Variants in MAP3K3 observed in about 807,000 individuals in gnomAD.
MAP3K3 encodes the protein MAP/ERK kinase kinase 3.
MAP3K3 carries 12 observed loss-of-function variants against 80.9 expected under a neutral mutation model. The observed-to-expected ratio is 0.15, with a 90% CI of 0.10 to 0.24. The LOEUF (loss-of-function observed/expected upper bound fraction) is 0.24. MAP3K3 is among the 10% of genes least tolerant of loss of function. The pLI is 1.00. For synonymous variants in MAP3K3, 272 were observed against 307.1 expected (o/e 0.89, Z 1.19); for missense variants, 596 against 834.7 (o/e 0.71, Z 3.52).
chr17:63,636,925 T>C, intron 2 of MAP3K3: 3 of 526,288 alleles, frequency 5.7e-6, no homozygotes, highest in South Asian at 3.8e-5. Flanking sequence ...CTGTATGCGC[T>C]TCATCCAGCT....
intron 7 of MAP3K3, among the ~76,000 whole-genome samples, 181 bp from the exon 8 acceptor site, chr17:63,685,336 G>T (rs2035425590): frequency 6.6e-6 from 1 of 152,186 alleles, no homozygotes; most frequent in Admixed American, 6.5e-5. Flanking sequence ...CTGGAAACTT[G>T]CCTTTCAAAC....
intron 1 of MAP3K3, among the ~76,000 whole-genome samples, chr17:63,630,894 G>A (rs1361430827): frequency 1.3e-5 from 2 of 152,050 alleles, no homozygotes; most frequent in South Asian, 2.1e-4. Context: ...TCCTGAACAA[G>A]CAAAAACCTC....
At chr17:63,661,457 A>G (rs2034889540) in intron 5 of MAP3K3, among the ~76,000 whole-genome samples, 1 of 152,208 alleles carries the variant, frequency 6.6e-6, no homozygotes, top group African/African-American at 2.4e-5. Flanking sequence ...GCTTTGGACC[A>G]CCAACTTTTA....
At position 63,650,658 on chromosome 17, in the gene MAP3K3, T is replaced by TAGAGAGAGAG. The variant is rs61412799; in HGVS notation, c.168-1870_168-1861dup. 1.7e-3 allele frequency among the ~76,000 whole-genome samples: 201 copies of TAGAGAGAGAG among 117,276 alleles called. 1 individual carries two copies. The highest frequency in any genetic ancestry group is 5.8e-3 in the African/African-American group (176 of 30,388). The allele number at this position is 117,276 out of a possible 152,430, so 76.9% of individuals were successfully genotyped here. ...AGACCTTCTCTCTCTCTGTCTCTTA[T>TAGAGAGAGAG]AGAGAGAGAGAGAGAGAGAGAGAGA... On this transcript the variant is annotated intron_variant, in intron 3 of 15. Transcript: ENST00000361733.
chr17:63,639,553 G>A (rs2034400362), intron 2 of MAP3K3, among the ~76,000 whole-genome samples: 1 of 152,160 alleles, frequency 6.6e-6, no homozygotes, highest in South Asian at 2.1e-4. Context: ...AAAGGTGATT[G>A]AGATGGTTGG....
chr17:63,666,831 G>T, intron 5 of MAP3K3, 109 bp from the exon 6 acceptor site: 3 of 1,218,074 alleles, frequency 2.5e-6, no homozygotes, highest in Non-Finnish European at 3.5e-6. Flanking sequence ...TGTATTAAAA[G>T]CATGAAGGTG....
chr17:63,647,788 G>A lies in MAP3K3; in HGVS notation c.167+1714G>A, dbSNP rs570052641. Among the ~76,000 whole-genome samples, 9 of 152,288 alleles carry A rather than the reference G, an allele frequency of 5.9e-5. No homozygotes were observed. The East Asian group carries it at 1.5e-3, about 26-fold the overall frequency. On this transcript the variant is annotated intron_variant, in intron 3 of 15. Transcript: ENST00000361733. ...ACAGCTCTAGTTTCGTGTATTTCAC[G>A]TCAGGATTTTGTAGAGAATGTCATT...
rs2034680235 is a variant in MAP3K3, at chr17:63,652,628, C to T, written c.239C>T (p.Pro80Leu). The change falls in exon 4 of 16, where the codon CCT (proline) becomes CTT (leucine). Residue 80 changes from proline to leucine, a missense_variant. By Grantham distance (98) the Pro-to-Leu change is moderately conservative. Transcript: ENST00000361733. ...EHKVTTVFGQ[P>L]LDLHYMNNEL... Reference sequence around the variant, plus strand: ...AAGGTGACAACAGTATTTGGACAACCTCTTGATCTACATTACATGAACAAT... The same window carrying T: ...AAGGTGACAACAGTATTTGGACAACTTCTTGATCTACATTACATGAACAAT... 6.2e-7 allele frequency: 1 copy of T among 1,613,584 alleles called. No individual in the cohort carries two copies. Among genetic ancestry groups the T allele is most frequent in the South Asian group, 1.1e-5 (1 of 91,076 alleles).
At chr17:63,673,852 T>C (rs965970044) in intron 6 of MAP3K3, among the ~76,000 whole-genome samples, 3 of 152,064 alleles carry the variant, frequency 2.0e-5, no homozygotes, top group African/African-American at 7.3e-5. Flanking sequence ...AGAGGTTGCA[T>C]TGAGCCAAGA....
At chr17:63,670,113 A>AG (rs940245859) in intron 6 of MAP3K3, among the ~76,000 whole-genome samples, 2 of 152,080 alleles carry the variant, frequency 1.3e-5, no homozygotes, top group Admixed American at 1.3e-4. Flanking sequence ...AAAAAAAAAA[A>AG]AAGTAATTAC....
At chr17:63,663,722 C>T (rs1386296489) in intron 5 of MAP3K3, among the ~76,000 whole-genome samples, 2 of 151,902 alleles carry the variant, frequency 1.3e-5, no homozygotes, top group Non-Finnish European at 2.9e-5. Flanking sequence ...ATAGCAAGAC[C>T]CCCATCTCTA....
In MAP3K3 at chr17:63,635,808, C is replaced by A. The variant is rs546881804; in HGVS notation, c.126+3006C>A. ...CAGTTCTTCTGCCAGAAAGTCCATGCTTAGGAAGAGAGAGGAATGAAAGAT... is the reference window on the plus strand; with the variant it reads ...CAGTTCTTCTGCCAGAAAGTCCATGATTAGGAAGAGAGAGGAATGAAAGAT... On this transcript the variant is annotated intron_variant, in intron 2 of 15. Coordinates refer to ENST00000361733, the MANE Select transcript of MAP3K3 (RefSeq NM_002401.5). Among the ~76,000 whole-genome samples, 9 of 152,212 alleles carry A rather than the reference C, an allele frequency of 5.9e-5. No homozygotes were observed. The South Asian group carries it at 1.9e-3, about 32-fold the overall frequency.
intron 7 of MAP3K3, 45 bp from the exon 8 acceptor site, chr17:63,685,472 A>T: frequency 6.7e-7 from 1 of 1,488,006 alleles, no homozygotes; most frequent in South Asian, 1.1e-5. Flanking sequence ...CACTGGGGGG[A>T]ATTGGGGCTG....
At chr17:63,669,036 G>T (rs1305890103) in intron 6 of MAP3K3, among the ~76,000 whole-genome samples, 1 of 152,216 alleles carries the variant, frequency 6.6e-6, no homozygotes, top group Admixed American at 6.5e-5. Context: ...GATCACAAAA[G>T]AACTTGGTGG....
At chr17:63,638,990 C>G (rs765635355) in intron 2 of MAP3K3, among the ~76,000 whole-genome samples, 6 of 151,990 alleles carry the variant, frequency 3.9e-5, no homozygotes, top group Non-Finnish European at 8.8e-5. Flanking sequence ...CACTGCACTC[C>G]AGCCTGGGCG....
intron 2 of MAP3K3, among the ~76,000 whole-genome samples, chr17:63,641,093 A>G (rs377324109): frequency 1.8e-4 from 28 of 152,226 alleles, no homozygotes; most frequent in African/African-American, 6.7e-4. Flanking sequence ...CCATTTACCA[A>G]CCACTTGTAT....
chr17:63,655,988 G>A (rs1015781994), intron 4 of MAP3K3, among the ~76,000 whole-genome samples: 3 of 152,082 alleles, frequency 2.0e-5, no homozygotes, highest in African/African-American at 7.2e-5. Flanking sequence ...CCAGCACTTT[G>A]GGAGGCTGAG....
chr17:63,685,210 C>T (rs1183272628), intron 7 of MAP3K3, among the ~76,000 whole-genome samples: 2 of 152,194 alleles, frequency 1.3e-5, no homozygotes, highest in African/African-American at 4.8e-5. Context: ...AGTACCATCT[C>T]CAGCGCCAGG....
chr17:63,677,851 T>A (rs8068603), intron 6 of MAP3K3, among the ~76,000 whole-genome samples: 55,113 of 150,392 alleles, frequency 0.37, 12,587 homozygotes, highest in African/African-American at 0.68. Flanking sequence ...GAAAGAAAGA[T>A]ACATGGCACT....
Sources: allele counts gnomAD v4.1 joint callset (sites outside exome capture counted in the v4.1 genomes callset), GRCh38; gene constraint gnomAD v4.1.1; transcripts MANE v1.5; gene names NCBI Gene and HGNC (gene_info 2026-07-23, HGNC 2026-07-21).